The following MERTK variants were observed in gnomAD, a reference collection of about 807,000 sequenced individuals.
MERTK encodes tyrosine-protein kinase Mer.
In MERTK, 69 loss-of-function variants were observed where a neutral mutation model predicts 99.3. The ratio of observed to expected loss-of-function variants is 0.70; its 90% CI spans 0.57 to 0.85. The LOEUF is 0.85. MERTK is among the 40% of genes least tolerant of loss of function. The pLI, the probability that MERTK is intolerant of heterozygous loss-of-function variation, is 0.00. For synonymous variants in MERTK, 426 were observed against 467.6 expected (o/e 0.91, Z 1.15); for missense variants, 1,125 against 1,249.4 (o/e 0.90, Z 1.50).
chr2:111,933,048 G>A (rs1684702104), intron 2 of MERTK, among the ~76,000 whole-genome samples: 1 of 152,232 alleles, frequency 6.6e-6, no homozygotes, highest in Non-Finnish European at 1.5e-5. Flanking sequence ...TAGAATGACA[G>A]TGCTTGTCCA....
chr2:111,906,175 A>C (rs1302279362), intron 1 of MERTK, among the ~76,000 whole-genome samples: 1 of 152,176 alleles, frequency 6.6e-6, no homozygotes, highest in Admixed American at 6.5e-5. Flanking sequence ...CATCCTCCGG[A>C]TTTAGATCTC....
chr2:111,916,629 C>T (rs922762044), intron 1 of MERTK, among the ~76,000 whole-genome samples: 4 of 152,060 alleles, frequency 2.6e-5, no homozygotes, highest in African/African-American at 9.7e-5. Flanking sequence ...TTTCATGTTT[C>T]AAGCATGTTC....
At chr2:111,997,094 T>C in intron 9 of MERTK, 2 of 676,114 alleles carry the variant, frequency 3.0e-6, no homozygotes, top group South Asian at 1.5e-5. Flanking sequence ...CAGTGTGACA[T>C]TTTGATCTAT....
chr2:111,927,744 G>A (rs532834714), intron 1 of MERTK, among the ~76,000 whole-genome samples: 3 of 152,188 alleles, frequency 2.0e-5, no homozygotes, highest in East Asian at 3.9e-4. Flanking sequence ...TTGCTAAATC[G>A]GGCACAACTC....
chr2:111,944,919 G>T lies in MERTK; in HGVS notation c.483-41G>T, dbSNP rs771789415. The T allele has an allele frequency of 3.3e-6, 5 of 1,518,798 alleles. No individual in the cohort carries two copies. The Admixed American group carries it at 8.4e-5, about 25-fold the overall frequency. 94.1% of individuals were successfully genotyped at this position (1,518,798 alleles called of 1,614,324 possible). ...TTCCATCCTATAATAGGAACTCAAA[G>T]GGTAGTCACTGTAAATATCTTCATG... On this transcript the variant is annotated intron_variant, in intron 2 of 18. Transcript: ENST00000295408.
chr2:111,925,392 C>T (rs1452508899), intron 1 of MERTK, among the ~76,000 whole-genome samples: 4 of 143,556 alleles, frequency 2.8e-5, no homozygotes, highest in Middle Eastern at 7.6e-3. Flanking sequence ...ACCTCTGCCT[C>T]CCGGGTTCAA....
At chr2:111,909,827 C>G (rs572483597) in intron 1 of MERTK, among the ~76,000 whole-genome samples, 1 of 152,168 alleles carries the variant, frequency 6.6e-6, no homozygotes, top group South Asian at 2.1e-4. Flanking sequence ...AGCAGCCCAA[C>G]CCTCAGTTCG....
intron 7 of MERTK, among the ~76,000 whole-genome samples, chr2:111,978,449 T>TTTG (rs1553454201): frequency 0.034 from 3,161 of 94,342 alleles, 56 homozygotes; most frequent in Middle Eastern, 0.14. Flanking sequence ...CCAGCATGTT[T>TTTG]TTTGTTTGTT....
intron 1 of MERTK, among the ~76,000 whole-genome samples, chr2:111,907,679 C>T (rs566578565): frequency 2.6e-5 from 4 of 152,312 alleles, no homozygotes; most frequent in African/African-American, 9.6e-5. Flanking sequence ...GGGGGAACAG[C>T]AGAATCTTCA....
At chr2:111,970,539 C>T (rs1676085289) in intron 6 of MERTK, among the ~76,000 whole-genome samples, 1 of 152,228 alleles carries the variant, frequency 6.6e-6, no homozygotes, top group African/African-American at 2.4e-5. Context: ...AAGAATTGTG[C>T]AGCCATTACC....
intron 4 of MERTK, among the ~76,000 whole-genome samples, chr2:111,950,632 T>A (rs1028753048): frequency 2.8e-4 from 43 of 152,142 alleles, no homozygotes; most frequent in Admixed American, 2.8e-3. Context: ...TGGTTTTAGT[T>A]TGCATTTCAT....
chr2:111,965,386 A>C, intron 5 of MERTK, 109 bp downstream of exon 5: 11 of 1,050,394 alleles, frequency 1.0e-5, no homozygotes, highest in African/African-American at 1.6e-5. Context: ...TCACTGTCTC[A>C]AGGTTCTTTG....
At chr2:111,935,433 G>C (rs34087685) in intron 2 of MERTK, among the ~76,000 whole-genome samples, 34,841 of 151,670 alleles carry the variant, frequency 0.23, 4,319 homozygotes, top group Middle Eastern at 0.36. Context: ...CACCAGGACT[G>C]GGGGAGGTAC....
intron 18 of MERTK, among the ~76,000 whole-genome samples, chr2:112,023,758 A>ATG (rs1677406298): frequency 6.6e-6 from 1 of 152,192 alleles, no homozygotes; most frequent in African/African-American, 2.4e-5. Flanking sequence ...AATAAGGGCC[A>ATG]TGGGCTTGGA....
intron 18 of MERTK, among the ~76,000 whole-genome samples, chr2:112,025,071 CCCTGTGTTAGATGGA>C (rs1677437515): frequency 6.6e-6 from 1 of 152,194 alleles, no homozygotes; most frequent in Non-Finnish European, 1.5e-5. Flanking sequence ...AGAGCAGGTG[CCCTGTGTTAGATGGA>C]CTGGCACTGC....
At chr2:111,941,486 G>A (rs756127997) in intron 2 of MERTK, among the ~76,000 whole-genome samples, 12 of 152,062 alleles carry the variant, frequency 7.9e-5, no homozygotes, top group Non-Finnish European at 1.6e-4. Flanking sequence ...TCCACTCTCC[G>A]CGTTTCCTCT....
At chr2:112,013,209 G>A (rs1677143095) in intron 15 of MERTK, 1 of 154,102 alleles carries the variant, frequency 6.5e-6, no homozygotes, top group Admixed American at 6.6e-5. Flanking sequence ...CGTAGAGACA[G>A]GAGGCTGCAG....
At chr2:111,904,974 CCT>C (rs1558765781) in intron 1 of MERTK, among the ~76,000 whole-genome samples, 2 of 152,206 alleles carry the variant, frequency 1.3e-5, no homozygotes, top group Non-Finnish European at 2.9e-5. Flanking sequence ...AAACCAGTTC[CCT>C]CTCTTTTCAT....
chr2:111,912,901 C>A, intron 1 of MERTK: 1 of 316,498 alleles, frequency 3.2e-6, no homozygotes, highest in South Asian at 1.3e-4. Context: ...TGTGAGAAGC[C>A]CTCTTCATTC....
Sources: gnomAD v4.1 joint callset for allele counts (sites outside exome capture counted in the v4.1 genomes callset) on GRCh38, gnomAD v4.1.1 for gene constraint, MANE v1.5 for transcripts, NCBI Gene and HGNC (gene_info 2026-07-23, HGNC 2026-07-21) for gene names.